ABR: variants seen among roughly 807,000 people sequenced by gnomAD.
ABR encodes active breakpoint cluster region-related protein.
In ABR, 35 loss-of-function variants were observed where a neutral mutation model predicts 107.2. That is an observed-to-expected ratio of 0.33 (90% CI 0.25 to 0.43). The LOEUF is 0.43. Ranked by LOEUF, ABR falls within the 20% of genes least tolerant of loss-of-function variation. The pLI is 1.00. For synonymous variants in ABR, 498 were observed against 462.0 expected (o/e 1.08, Z -1.00); for missense variants, 815 against 1,115.2 (o/e 0.73, Z 3.83).
chr17:1,142,639 G>A (rs564548389), intron 1 of ABR, among the ~76,000 whole-genome samples: 3 of 152,178 alleles, frequency 2.0e-5, no homozygotes, highest in Admixed American at 1.3e-4. Context: ...AGCCAGGCGC[G>A]TGATCAATTC....
At chr17:1,083,851 T>C in intron 4 of ABR, 1 of 524,102 alleles carries the variant, frequency 1.9e-6, no homozygotes. Context: ...AATGAGGGGG[T>C]CTGGGGTTGG....
At chr17:1,174,807 C>T (rs1023606414) in intron 1 of ABR, among the ~76,000 whole-genome samples, 3 of 152,096 alleles carry the variant, frequency 2.0e-5, no homozygotes, top group East Asian at 1.9e-4. Context: ...GCTTTAAATA[C>T]AGCCTCTGCC....
At chr17:1,056,170 C>A (rs2033248220) in intron 13 of ABR, 61 bp from the exon 14 acceptor site, 1 of 1,471,198 alleles carries the variant, frequency 6.8e-7, no homozygotes, top group African/African-American at 1.4e-5. Context: ...AGCCTCCACC[C>A]CAGGCCGGCG....
intron 2 of ABR, among the ~76,000 whole-genome samples, chr17:1,110,992 T>C (rs1346924218): frequency 6.6e-6 from 1 of 152,166 alleles, no homozygotes; most frequent in Non-Finnish European, 1.5e-5. Context: ...AGGCCTGGCA[T>C]TCCCCAGGGC....
chr17:1,203,138 G>A (rs1176616496), intron 1 of ABR, among the ~76,000 whole-genome samples: 4 of 151,808 alleles, frequency 2.6e-5, no homozygotes, highest in African/African-American at 9.7e-5. Flanking sequence ...CGCCCGCCTC[G>A]GCCTCCCAGA....
chr17:1,031,642 C>T (rs1270795194), intron 16 of ABR: 8 of 1,253,564 alleles, frequency 6.4e-6, no homozygotes, highest in African/African-American at 6.2e-5. Context: ...CAGAGCCGGG[C>T]GCCGGTGTTG....
At chr17:1,063,619 G>A (rs1377234095) in intron 10 of ABR, among the ~76,000 whole-genome samples, 1 of 150,852 alleles carries the variant, frequency 6.6e-6, no homozygotes, top group Non-Finnish European at 1.5e-5. Flanking sequence ...TGAACTGAGG[G>A]CTATGCATGT....
intron 1 of ABR, among the ~76,000 whole-genome samples, chr17:1,217,676 A>G (rs567982607): frequency 6.6e-6 from 1 of 152,288 alleles, no homozygotes; most frequent in South Asian, 2.1e-4. Context: ...ATGTGGTCCT[A>G]GACAGCGTGC....
intron 1 of ABR, among the ~76,000 whole-genome samples, chr17:1,195,050 G>C (rs2042525488): frequency 6.9e-6 from 1 of 145,738 alleles, no homozygotes; most frequent in South Asian, 2.4e-4. Flanking sequence ...GCTCACGCCT[G>C]TAATCCCAGC....
At chr17:1,112,946 ATTT>A (rs2151402897) in intron 2 of ABR, among the ~76,000 whole-genome samples, 1 of 151,534 alleles carries the variant, frequency 6.6e-6, no homozygotes, top group Non-Finnish European at 1.5e-5. Flanking sequence ...ATCAGCAAGC[ATTT>A]GTTAACCACC....
At chr17:1,162,383 G>A (rs553034797) in intron 1 of ABR, among the ~76,000 whole-genome samples, 22 of 152,236 alleles carry the variant, frequency 1.4e-4, no homozygotes, top group Admixed American at 8.5e-4. Context: ...GGGCCCCTCC[G>A]GATCCCCTCT....
Position 1,128,679 on chromosome 17 carries a change from T to A in ABR, c.62-3312A>T, listed in dbSNP as rs151079812. ...GAGCCCCAGCAGCCATCCTGAACCA[T>A]GAGGTGAGCTGAGGATAGAAGCCAC... On this transcript the variant is annotated intron_variant, in intron 1 of 22. Transcript: ENST00000302538. Among the ~76,000 whole-genome samples the A allele has an allele frequency of 1.3e-3, 201 of 152,286 alleles. 1 individual carries two copies. The highest frequency in any genetic ancestry group is 4.6e-3 in the African/African-American group (191 of 41,562).
upstream of ABR, among the ~76,000 whole-genome samples, chr17:1,183,434 G>T (rs957795986): frequency 2.0e-5 from 3 of 152,264 alleles, no homozygotes; most frequent in Non-Finnish European, 4.4e-5. Context: ...CAGGAGCACT[G>T]GGTTAATGAC....
At chr17:1,058,134 A>AAATT in intron 11 of ABR, 89 bp from the exon 12 acceptor site, 2 of 471,546 alleles carry the variant, frequency 4.2e-6, no homozygotes, top group Non-Finnish European at 6.9e-6. Flanking sequence ...AGCTCCTTTT[A>AAATT]TCTTTTTTTT....
At chr17:1,033,780 C>T (rs566362132) in intron 16 of ABR, among the ~76,000 whole-genome samples, 5 of 152,220 alleles carry the variant, frequency 3.3e-5, no homozygotes, top group East Asian at 1.9e-4. Flanking sequence ...GGTGGAGAGA[C>T]GGACGGAGGT....
rs74761203 is a variant in ABR, at chr17:1,214,118, C to G, written c.838+14675G>C. On this transcript the variant is annotated intron_variant, in intron 1 of 22. Transcript: ENST00000574139. ...GTCAGGCTGGTCTCGAACTCCTGATCTTGTGATCCACCCGCCTCGGGCTCC... is the reference window on the plus strand; with the variant it reads ...GTCAGGCTGGTCTCGAACTCCTGATGTTGTGATCCACCCGCCTCGGGCTCC... 7.2e-3 allele frequency among the ~76,000 whole-genome samples: 1,093 copies of G among 152,104 alleles called. 49 individuals are homozygous for G. In the East Asian group the frequency reaches 0.13, roughly 18 times the overall value.
chr17:1,162,107 A>T (rs1482590229), intron 1 of ABR, among the ~76,000 whole-genome samples: 1 of 152,134 alleles, frequency 6.6e-6, no homozygotes, highest in Non-Finnish European at 1.5e-5. Context: ...CATCCTCCAG[A>T]GGTTAGAGAC....
At position 1,011,936 on chromosome 17, in the gene ABR, C is replaced by T; in HGVS notation, c.2011G>A (p.Val671Met). The T allele has an allele frequency of 6.2e-7, 1 of 1,613,512 alleles. No individual in the cohort carries two copies. Among genetic ancestry groups the T allele is most frequent in the Non-Finnish European group, 8.5e-7 (1 of 1,179,522 alleles). Residue 671 changes from valine (V) to methionine (M), a missense_variant, in exon 19 of 23, where the codon GTG (valine) becomes ATG (methionine). By Grantham distance (21) the Val-to-Met change is conservative. Transcript: ENST00000302538. The surrounding 1 kb of genome is among the most constrained non-coding windows in gnomAD (Gnocchi z 4.8). ...ACCTCCTCGATACCCCTCTTCTCCACCTCCTCCACACACTGCCGGACGATG... is the reference window on the plus strand; with the variant it reads ...ACCTCCTCGATACCCCTCTTCTCCATCTCCTCCACACACTGCCGGACGATG... Reference protein sequence around the residue: ...PYIVRQCVEEVEKRGIEEVGI... With the variant: ...PYIVRQCVEEMEKRGIEEVGI...
chr17:1,193,579 A>G (rs766350943), intron 1 of ABR, among the ~76,000 whole-genome samples: 2 of 146,470 alleles, frequency 1.4e-5, no homozygotes, highest in Non-Finnish European at 3.0e-5. Flanking sequence ...AAGCATCCTG[A>G]CCAGATGCCG....
Sources: allele counts gnomAD v4.1 joint callset (sites outside exome capture counted in the v4.1 genomes callset), GRCh38; gene constraint gnomAD v4.1.1; non-coding constraint Gnocchi (gnomAD v3.1); transcripts MANE v1.5; gene names NCBI Gene and HGNC (gene_info 2026-07-23, HGNC 2026-07-21).